The following ZNF717 variants were observed in gnomAD, a reference collection of about 807,000 sequenced individuals.
The protein encoded by ZNF717 is zinc finger protein 717, also known as krueppel-like factor X17.
ZNF717 carries 9 observed loss-of-function variants against 13.8 expected under a neutral mutation model. The ratio of observed to expected loss-of-function variants is 0.65; its 90% CI spans 0.39 to 1.14. ZNF717 has a LOEUF of 1.14. Ranked by LOEUF, ZNF717 falls within the 50% of genes most tolerant of loss-of-function variation. The probability of loss-of-function intolerance (pLI) is 0.01; values close to 1 mark genes in which losing one functional copy is unlikely to be tolerated. For missense variants in ZNF717, 1,040 were observed against 1,080.7 expected (o/e 0.96, Z 0.53); for synonymous variants, 327 against 364.1 (o/e 0.90, Z 1.16).
downstream of ZNF717, among the ~76,000 whole-genome samples, chr3:75,734,735 G>GGTAGGTATAGGAGATGGC (rs1938933764): frequency 8.8e-6 from 1 of 113,174 alleles, no homozygotes; most frequent in African/African-American, 3.2e-5. Flanking sequence ...GTACCTGGCT[G>GGTAGGTATAGGAGATGGC]CTTTTTATTC....
intron 2 of ZNF717, among the ~76,000 whole-genome samples, chr3:75,780,996 G>T (rs1321581038): frequency 1.3e-5 from 2 of 152,218 alleles, no homozygotes; most frequent in South Asian, 2.1e-4. Flanking sequence ...AAGTACATTT[G>T]CAATGGTAAT....
downstream of ZNF717, among the ~76,000 whole-genome samples, chr3:75,731,737 A>AC (rs1272209467): frequency 3.3e-5 from 5 of 152,182 alleles, no homozygotes; most frequent in African/African-American, 4.8e-5. Flanking sequence ...ACATAGTGAG[A>AC]CCCCCAACTC....
chr3:75,767,378 T>C (rs561842551), intron 2 of ZNF717, among the ~76,000 whole-genome samples: 35 of 152,360 alleles, frequency 2.3e-4, no homozygotes, highest in African/African-American at 7.0e-4. Context: ...AAACAAGTAA[T>C]AATGAGTTGT....
At chr3:75,717,443 T>C (rs1428012950) in intron 4 of ZNF717, among the ~76,000 whole-genome samples, 29 of 152,302 alleles carry the variant, frequency 1.9e-4, no homozygotes, top group African/African-American at 6.3e-4. Flanking sequence ...AATCAAGTCA[T>C]TCACAGCAGG....
intron 2 of ZNF717, among the ~76,000 whole-genome samples, chr3:75,773,491 G>C (rs1336969430): frequency 1.3e-5 from 2 of 152,194 alleles, no homozygotes; most frequent in Non-Finnish European, 2.9e-5. Flanking sequence ...TTTAGAGATG[G>C]CACGGCCCAT....
intron 2 of ZNF717, among the ~76,000 whole-genome samples, chr3:75,756,367 T>A (rs1330783161): frequency 6.6e-6 from 1 of 152,248 alleles, no homozygotes; most frequent in Non-Finnish European, 1.5e-5. Context: ...AGCCTCTATG[T>A]GTTCAAGTGA....
Position 75,741,732 on chromosome 3 carries a change from A to G in ZNF717, c.62T>C (p.Leu21Ser). Residue 21 changes from leucine (L) to serine (S), a missense_variant, in exon 3 of 5, where the codon TTG becomes TCG. Transcript: ENST00000652011. The stretch of plus-strand genomic sequence containing the variant: ...CACAGCTACCTCCTCAAAGGACACC[A>G]ACTCCTGTAATGATACCAGGCTGTT... Reference protein sequence around the residue: ...ELQEKNKSLELVSFEEVAVHF... With the variant: ...ELQEKNKSLESVSFEEVAVHF... 1 of 1,575,454 alleles carries G rather than the reference A, an allele frequency of 6.3e-7. No homozygotes were observed. Among genetic ancestry groups the G allele is most frequent in the Non-Finnish European group, 8.6e-7 (1 of 1,162,304 alleles).
chr3:75,737,758 T>C lies in ZNF717; in HGVS notation c.1865A>G (p.Asn622Ser). The change falls in exon 5 of 5, where the codon AAT (asparagine) becomes AGT (serine). Residue 622 changes from asparagine (N) to serine (S), a missense_variant. Coordinates refer to ENST00000652011, the MANE Select transcript of ZNF717 (RefSeq NM_001290208.3). ...THTGERPYEC[N>S]ECGKTFRQKS... ...CTGACGAAAGGTTTTTCCACATTCA[T>C]TACATTCATAGGGTCTTTCCCCTGT... The C allele has an allele frequency of 1.3e-6, 2 of 1,550,818 alleles. No individual in the cohort carries two copies. The highest frequency in any genetic ancestry group is 1.7e-6 in the Non-Finnish European group (2 of 1,146,176).
intron 1 of ZNF717, among the ~76,000 whole-genome samples, chr3:75,784,437 G>T (rs773349127): frequency 6.6e-6 from 1 of 152,170 alleles, no homozygotes; most frequent in Non-Finnish European, 1.5e-5. Flanking sequence ...AAATACAATC[G>T]ATAGAACTTC....
chr3:75,702,257 T>C (rs1329474045), intron 6 of ZNF717, among the ~76,000 whole-genome samples: 5 of 152,294 alleles, frequency 3.3e-5, no homozygotes, highest in African/African-American at 1.2e-4. Context: ...GAAAATGTGG[T>C]ACATATACAC....
At position 75,738,238 on chromosome 3, in the gene ZNF717, T is replaced by C. The variant is rs1256123430; in HGVS notation, c.1385A>G (p.Asn462Ser). 3.0e-5 allele frequency: 47 copies of C among 1,541,864 alleles called. No individual in the cohort carries two copies. The highest frequency in any genetic ancestry group is 1.2e-4 in the East Asian group (5 of 40,618). The change falls in exon 5 of 5, where the codon AAT becomes AGT. Residue 462 changes from asparagine to serine, a missense_variant. This residue lies in a region of ZNF717 where 873 missense variants were observed against 832.8 expected (regional missense o/e 1.05). Transcript: ENST00000652011. ...ECNECGKPFI[N>S]KSNLRLHQRT... is the part of the protein sequence containing the mutation. The stretch of plus-strand genomic sequence containing the variant: ...CTGATGTAACCTGAGGTTTGACTTA[T>C]TGATAAAGGGTTTTCCACACTCATT...
intron 2 of ZNF717, among the ~76,000 whole-genome samples, chr3:75,765,021 A>ATGTG (rs1415256720): frequency 1.9e-4 from 7 of 36,886 alleles, no homozygotes; most frequent in African/African-American, 6.3e-4. Context: ...ATATATATAT[A>ATGTG]TATATATATG....
intron 2 of ZNF717, among the ~76,000 whole-genome samples, chr3:75,781,069 G>A (rs549020857): frequency 7.2e-5 from 11 of 152,370 alleles, no homozygotes; most frequent in Admixed American, 3.3e-4. Context: ...CCAAAGGGAA[G>A]GAATTGTTAA....
In ZNF717 at chr3:75,737,287, G is replaced by C. The variant is rs79994093; in HGVS notation, c.2336C>G (p.Thr779Ser). The change falls in exon 5 of 5, where the codon ACT (threonine) becomes AGT (serine). Residue 779 changes from threonine to serine, a missense_variant. Coordinates refer to ENST00000652011, the MANE Select transcript of ZNF717 (RefSeq NM_001290208.3). ...HKSNLSTHQG[T>S]HSGEKPYECD... ...TTCATAGGGTTTCTCTCCTGAGTGA[G>C]TCCCCTGATGCGTACTGAGGTTTGA... The C allele has an allele frequency of 5.2e-6, 8 of 1,552,718 alleles. No homozygotes were observed. The South Asian group carries it at 9.5e-5, about 18-fold the overall frequency.
intron 5 of ZNF717, among the ~76,000 whole-genome samples, chr3:75,711,932 G>GT (rs1461108328): frequency 4.6e-5 from 7 of 152,232 alleles, no homozygotes; most frequent in Non-Finnish European, 1.0e-4. Flanking sequence ...ATGAAACTTG[G>GT]TTATTTTTAT....
At chr3:75,713,608 A>T (rs1051683820) in intron 5 of ZNF717, among the ~76,000 whole-genome samples, 1 of 152,216 alleles carries the variant, frequency 6.6e-6, no homozygotes, top group African/African-American at 2.4e-5. Flanking sequence ...TCCATATAAC[A>T]TATCCACATA....
chr3:75,748,292 C>A (rs1406696643), intron 2 of ZNF717, among the ~76,000 whole-genome samples: 2 of 152,158 alleles, frequency 1.3e-5, no homozygotes, highest in African/African-American at 4.8e-5. Context: ...CCTTCTGAAA[C>A]TATTCCAATC....
chr3:75,758,135 A>G (rs1488345861), intron 2 of ZNF717, among the ~76,000 whole-genome samples: 53 of 148,786 alleles, frequency 3.6e-4, no homozygotes, highest in South Asian at 1.5e-3. Flanking sequence ...AAAAAAAAAA[A>G]AGAGAGAGAG....
Position 75,738,706 on chromosome 3 carries a change from G to C in ZNF717, c.917C>G (p.Thr306Ser). The C allele has an allele frequency of 6.4e-7, 1 of 1,551,798 alleles. No homozygotes were observed. Among genetic ancestry groups the C allele is most frequent in the Non-Finnish European group, 8.7e-7 (1 of 1,147,130 alleles). ...GTTACAGGCATAAGGTTTTTCCTCAGTAGGCATCTTGCACTGTAGCATAAG... is the reference window on the plus strand; with the variant it reads ...GTTACAGGCATAAGGTTTTTCCTCACTAGGCATCTTGCACTGTAGCATAAG... ...SDLMLQCKMPTEEKPYACNWC... is the reference protein window; with the variant it reads ...SDLMLQCKMPSEEKPYACNWC... Residue 306 changes from threonine to serine, a missense_variant, in exon 5 of 5, where the codon ACT becomes AGT. Coordinates refer to ENST00000652011, the MANE Select transcript of ZNF717 (RefSeq NM_001290208.3).
Sources: allele counts gnomAD v4.1 joint callset (sites outside exome capture counted in the v4.1 genomes callset), GRCh38; gene constraint gnomAD v4.1.1; regional missense constraint gnomAD v4.1.1; transcripts MANE v1.5; gene names NCBI Gene and HGNC (gene_info 2026-07-23, HGNC 2026-07-21).